GLG1: variants seen among roughly 807,000 people sequenced by gnomAD.
The protein encoded by GLG1 is golgi glycoprotein 1.
Under a neutral mutation model 160.5 loss-of-function variants are expected in GLG1, and 38 were observed. That is an observed-to-expected ratio of 0.24 (90% CI 0.18 to 0.31). GLG1 has a LOEUF of 0.31. Ranked by LOEUF, GLG1 falls within the 10% of genes least tolerant of loss-of-function variation. The probability of loss-of-function intolerance (pLI) is 1.00; values close to 1 mark genes in which losing one functional copy is unlikely to be tolerated. For synonymous variants in GLG1, 644 were observed against 543.4 expected (o/e 1.19, Z -2.57); for missense variants, 1,373 against 1,505.2 (o/e 0.91, Z 1.45).
At chr16:74,594,200 C>A (rs1185726030) in intron 1 of GLG1, among the ~76,000 whole-genome samples, 1 of 152,152 alleles carries the variant, frequency 6.6e-6, no homozygotes, top group Admixed American at 6.6e-5. Flanking sequence ...AGCCACTGCG[C>A]CCAGCCTATC....
In GLG1 at chr16:74,447,577, T is replaced by C. The variant is rs1194322353; in HGVS notation, c.*5590A>G. ...AAAACAAGGGACCACCACGATTTTATACATAGAAAGGAAACCCATTTACAA... is the reference window on the plus strand; with the variant it reads ...AAAACAAGGGACCACCACGATTTTACACATAGAAAGGAAACCCATTTACAA... On this transcript the variant is annotated 3_prime_UTR_variant, in exon 26 of 26. Coordinates refer to ENST00000422840, the MANE Select transcript of GLG1 (RefSeq NM_001145667.2). 6.6e-6 allele frequency: 1 copy of C among 152,266 alleles called. No homozygotes were observed. Among genetic ancestry groups the C allele is most frequent in the Admixed American group, 6.5e-5 (1 of 15,284 alleles). 9.4% of individuals were successfully genotyped at this position (152,266 alleles called of 1,614,324 possible). A position where few individuals can be genotyped will look rare whatever the true frequency, so the allele number is the denominator to read the frequency against.
At chr16:74,478,891 T>C (rs1282423416) in intron 11 of GLG1, among the ~76,000 whole-genome samples, 2 of 54,478 alleles carry the variant, frequency 3.7e-5, no homozygotes, top group African/African-American at 7.3e-5. Context: ...TGAAACTCCG[T>C]CTCAAAAAAA....
chr16:74,606,750 T>C lies in GLG1; in HGVS notation c.345A>G (p.Glu115=), dbSNP rs868323560. Residue 115 remains glutamate, a synonymous_variant, in exon 1 of 26, where the codon GAA becomes GAG. Coordinates refer to ENST00000422840, the MANE Select transcript of GLG1 (RefSeq NM_001145667.2). ...GAGGGWKLAE[E]ESCREDVTRV... is the part of the protein sequence containing the mutation. Reference sequence around the variant, plus strand: ...GGGTCACGTCCTCCCTGCAGGACTCTTCCTCCGCCAGCTTCCAGCCCCCAC... The same window carrying C: ...GGGTCACGTCCTCCCTGCAGGACTCCTCCTCCGCCAGCTTCCAGCCCCCAC... 1 of 1,613,192 alleles carries C rather than the reference T, an allele frequency of 6.2e-7. No individual in the cohort carries two copies. Among genetic ancestry groups the C allele is most frequent in the Non-Finnish European group, 8.5e-7 (1 of 1,179,558 alleles).
chr16:74,563,911 G>A (rs1168117779), intron 1 of GLG1, among the ~76,000 whole-genome samples: 1 of 152,120 alleles, frequency 6.6e-6, no homozygotes, highest in Non-Finnish European at 1.5e-5. Flanking sequence ...AAGTATCTGT[G>A]AAGTTGCTGA....
intron 1 of GLG1, among the ~76,000 whole-genome samples, chr16:74,576,526 T>A (rs1313637793): frequency 6.6e-6 from 1 of 152,342 alleles, no homozygotes; most frequent in Non-Finnish European, 1.5e-5. Flanking sequence ...GTGGTCTCTA[T>A]GGCATCCCCT....
intron 18 of GLG1, among the ~76,000 whole-genome samples, chr16:74,467,394 G>A (rs2015039253): frequency 6.6e-6 from 1 of 152,198 alleles, no homozygotes; most frequent in South Asian, 2.1e-4. Context: ...AAGAACTTCT[G>A]TGCAATGGGA....
chr16:74,502,927 C>G (rs1469852035), intron 4 of GLG1, among the ~76,000 whole-genome samples: 1 of 151,110 alleles, frequency 6.6e-6, no homozygotes, highest in Non-Finnish European at 1.5e-5. Flanking sequence ...CTGAACTTGG[C>G]CGGGACCGGT....
chr16:74,555,496 G>A (rs890587757), intron 1 of GLG1, among the ~76,000 whole-genome samples: 9 of 152,034 alleles, frequency 5.9e-5, no homozygotes, highest in Non-Finnish European at 1.0e-4. Flanking sequence ...AGACCAGCCT[G>A]GGCAACACAG....
chr16:74,565,903 T>C (rs533257419), intron 1 of GLG1, among the ~76,000 whole-genome samples: 2 of 152,334 alleles, frequency 1.3e-5, no homozygotes, highest in Non-Finnish European at 2.9e-5. Flanking sequence ...CGTTCCGTCT[T>C]TGTTACAGGA....
intron 1 of GLG1, among the ~76,000 whole-genome samples, chr16:74,553,449 C>CT (rs936177177): frequency 7.2e-6 from 1 of 138,982 alleles, no homozygotes; most frequent in African/African-American, 2.7e-5. Flanking sequence ...CTGGAACATT[C>CT]TTTTTTTGGT....
chr16:74,513,665 C>G (rs1198658013), intron 2 of GLG1, among the ~76,000 whole-genome samples: 1 of 151,958 alleles, frequency 6.6e-6, no homozygotes, highest in African/African-American at 2.4e-5. Context: ...ACATCAAAGA[C>G]CAAAGGTAGA....
At chr16:74,546,820 AGAGT>A (rs1354002307) in intron 1 of GLG1, among the ~76,000 whole-genome samples, 1 of 110,234 alleles carries the variant, frequency 9.1e-6, no homozygotes, top group African/African-American at 3.5e-5. Context: ...CCTGGGCGAC[AGAGT>A]GAGACTCCAT....
chr16:74,471,887 G>A (rs1354396068), intron 14 of GLG1, among the ~76,000 whole-genome samples: 2 of 144,724 alleles, frequency 1.4e-5, no homozygotes, highest in South Asian at 2.3e-4. Flanking sequence ...CAGGATGGTA[G>A]CATCTCTCTC....
chr16:74,511,781 G>C (rs1470821295), intron 2 of GLG1, among the ~76,000 whole-genome samples: 1 of 152,070 alleles, frequency 6.6e-6, no homozygotes, highest in East Asian at 1.9e-4. Flanking sequence ...CAGACGTTTA[G>C]ATGACCATTT....
chr16:74,478,911 G>A (rs1016790678), intron 11 of GLG1, among the ~76,000 whole-genome samples: 1 of 140,914 alleles, frequency 7.1e-6, no homozygotes, highest in African/African-American at 2.7e-5. Context: ...AAAAAAAAGG[G>A]GGGGGTTATT....
chr16:74,580,149 C>G (rs924475885), intron 1 of GLG1, among the ~76,000 whole-genome samples: 2 of 151,904 alleles, frequency 1.3e-5, no homozygotes, highest in African/African-American at 2.4e-5. Flanking sequence ...AGGCCTAAAT[C>G]CTAAAGGCTA....
chr16:74,584,727 C>T (rs1340821683), intron 1 of GLG1, among the ~76,000 whole-genome samples: 1 of 151,852 alleles, frequency 6.6e-6, no homozygotes, highest in African/African-American at 2.4e-5. Context: ...ACTACCCTGG[C>T]CAACATGATG....
intron 4 of GLG1, among the ~76,000 whole-genome samples, chr16:74,497,898 G>T (rs1171218533): frequency 6.6e-6 from 1 of 152,058 alleles, no homozygotes; most frequent in African/African-American, 2.4e-5. Context: ...TATCTTAATG[G>T]GATTTAACAA....
In GLG1 at chr16:74,447,967, A is replaced by G. The variant is rs1035379965; in HGVS notation, c.*5200T>C. The G allele has an allele frequency of 2.6e-5, 4 of 152,356 alleles. No homozygotes were observed. The highest frequency in any genetic ancestry group is 9.6e-5 in the African/African-American group (4 of 41,470). The allele number at this position is 152,356 out of a possible 1,614,324, so 9.4% of individuals were successfully genotyped here. On this transcript the variant is annotated 3_prime_UTR_variant, in exon 26 of 26. Transcript: ENST00000422840. ...CCAGGGAGATTTCTCCACTGCACAC[A>G]GCACAGTGTCCTATACATGTGTCCT...
Sources: gnomAD v4.1 joint callset for allele counts (sites outside exome capture counted in the v4.1 genomes callset) on GRCh38, gnomAD v4.1.1 for gene constraint, MANE v1.5 for transcripts, NCBI Gene and HGNC (gene_info 2026-07-23, HGNC 2026-07-21) for gene names.